AGBL4: variants seen among roughly 807,000 people sequenced by gnomAD.
AGBL4 encodes the protein AGBL carboxypeptidase 4.
Under a neutral mutation model 66.4 loss-of-function variants are expected in AGBL4, and 58 were observed. The observed-to-expected ratio is 0.87, with a 90% CI of 0.71 to 1.09. The LOEUF is 1.09. AGBL4 is among the 50% of genes least tolerant of loss of function. The pLI, the probability that AGBL4 is intolerant of heterozygous loss-of-function variation, is 0.00. For synonymous variants in AGBL4, 234 were observed against 222.9 expected, an observed-to-expected ratio of 1.05 and a Z score of -0.44; for missense variants, 579 against 631.0, an observed-to-expected ratio of 0.92 and a Z score of 0.88.
chr1:48,954,699 T>G (rs1657286250), intron 5 of AGBL4, among the ~76,000 whole-genome samples: 1 of 152,220 alleles, frequency 6.6e-6, no homozygotes, highest in South Asian at 2.1e-4. Context: ...AAACTTGAGC[T>G]GTGCCTCAAT....
chr1:49,452,891 T>A (rs915655114), intron 3 of AGBL4, among the ~76,000 whole-genome samples: 3 of 151,876 alleles, frequency 2.0e-5, no homozygotes, highest in Non-Finnish European at 4.4e-5. Context: ...GTAGGAGACA[T>A]AGGGGAAAGC....
At chr1:49,032,458 T>C (rs1428910134) in intron 5 of AGBL4, among the ~76,000 whole-genome samples, 1 of 152,108 alleles carries the variant, frequency 6.6e-6, no homozygotes, top group Non-Finnish European at 1.5e-5. Flanking sequence ...TTTCATATAA[T>C]CTCTTTTTAT....
At chr1:48,645,901 GA>G (rs1645827184) in intron 8 of AGBL4, among the ~76,000 whole-genome samples, 1 of 152,168 alleles carries the variant, frequency 6.6e-6, no homozygotes, top group East Asian at 1.9e-4. Context: ...GATTACATAT[GA>G]AAGGTTGGAA....
chr1:49,542,894 A>G, intron 3 of AGBL4, among the ~76,000 whole-genome samples: 1 of 102,374 alleles, frequency 9.8e-6, no homozygotes, highest in African/African-American at 3.7e-5. Context: ...GTAAGACTCC[A>G]TCAAAAAAAA....
chr1:48,845,070 C>G (rs1039916043), intron 6 of AGBL4, among the ~76,000 whole-genome samples: 1 of 152,082 alleles, frequency 6.6e-6, no homozygotes, highest in Non-Finnish European at 1.5e-5. Flanking sequence ...TGTATTAGGA[C>G]CAGTCCCAAG....
chr1:49,562,204 A>G (rs1644067105), intron 3 of AGBL4, among the ~76,000 whole-genome samples: 1 of 152,052 alleles, frequency 6.6e-6, no homozygotes, highest in African/African-American at 2.4e-5. Flanking sequence ...GATTCTGGAT[A>G]TTAGCCCTCT....
intron 3 of AGBL4, among the ~76,000 whole-genome samples, chr1:49,427,177 G>A (rs1158483299): frequency 2.0e-5 from 3 of 152,088 alleles, no homozygotes; most frequent in Non-Finnish European, 4.4e-5. Flanking sequence ...CTTGACATAT[G>A]CAATATATTG....
intron 11 of AGBL4, among the ~76,000 whole-genome samples, chr1:48,547,571 G>A (rs1376832434): frequency 6.6e-6 from 1 of 152,148 alleles, no homozygotes; most frequent in Non-Finnish European, 1.5e-5. Flanking sequence ...GAGACATTAA[G>A]TATCCAGGTT....
At chr1:49,480,270 T>C (rs1646929592) in intron 3 of AGBL4, among the ~76,000 whole-genome samples, 1 of 152,084 alleles carries the variant, frequency 6.6e-6, no homozygotes, top group Admixed American at 6.6e-5. Context: ...GAAAGTATTC[T>C]TTTTTCCCCA....
At chr1:49,383,370 A>T (rs1292588689) in intron 3 of AGBL4, among the ~76,000 whole-genome samples, 4 of 152,200 alleles carry the variant, frequency 2.6e-5, no homozygotes, top group Admixed American at 2.6e-4. Flanking sequence ...ACATAGTTAA[A>T]AGCCTGACAC....
At chr1:49,701,999 T>C (rs1647103232) in intron 2 of AGBL4, among the ~76,000 whole-genome samples, 1 of 151,800 alleles carries the variant, frequency 6.6e-6, no homozygotes, top group African/African-American at 2.4e-5. Context: ...CAAGAACATA[T>C]AAAAACATTA....
intron 5 of AGBL4, among the ~76,000 whole-genome samples, chr1:48,950,733 T>C (rs572665224): frequency 2.1e-4 from 32 of 152,228 alleles, no homozygotes; most frequent in Admixed American, 7.2e-4. Context: ...CCTTTTCTGG[T>C]CTCCTGGCCA....
chr1:49,935,003 C>T (rs1054414131), intron 1 of AGBL4, among the ~76,000 whole-genome samples: 1 of 152,206 alleles, frequency 6.6e-6, no homozygotes, highest in Admixed American at 6.5e-5. Context: ...GTGCAGCGCA[C>T]CGTGTGCGAG....
intron 1 of AGBL4, among the ~76,000 whole-genome samples, chr1:49,933,370 G>T (rs1653563215): frequency 6.6e-6 from 1 of 151,952 alleles, no homozygotes; most frequent in Non-Finnish European, 1.5e-5. Flanking sequence ...GAGGAAATAT[G>T]TTACCATTAT....
chr1:48,694,156 T>C (rs1469438677), intron 6 of AGBL4, among the ~76,000 whole-genome samples: 1 of 151,850 alleles, frequency 6.6e-6, no homozygotes, highest in African/African-American at 2.4e-5. Context: ...GTACAGGCAG[T>C]TGTCCTCCTA....
chr1:49,902,250 T>C (rs113403817), intron 1 of AGBL4, among the ~76,000 whole-genome samples: 26 of 152,052 alleles, frequency 1.7e-4, no homozygotes, highest in Non-Finnish European at 2.9e-4. Flanking sequence ...TCAGAGAACC[T>C]AGAGAATGGA....
At chr1:49,140,939 G>C (rs1646105587) in intron 4 of AGBL4, among the ~76,000 whole-genome samples, 1 of 152,118 alleles carries the variant, frequency 6.6e-6, no homozygotes, top group African/African-American at 2.4e-5. Context: ...TTAAATATCT[G>C]TACTCCTTCT....
chr1:49,870,580 C>A (rs1364236088), intron 1 of AGBL4, among the ~76,000 whole-genome samples: 2 of 149,840 alleles, frequency 1.3e-5, no homozygotes, highest in Admixed American at 6.7e-5. Context: ...ACAATGTACC[C>A]TTAAAAATTA....
chr1:49,125,197 CA>C (rs1645741458), intron 4 of AGBL4, among the ~76,000 whole-genome samples: 2 of 151,936 alleles, frequency 1.3e-5, no homozygotes, highest in Non-Finnish European at 1.5e-5. Context: ...CTGGAAAACA[CA>C]AAAAGGCCTA....
Sources: gnomAD v4.1 joint callset for allele counts (sites outside exome capture counted in the v4.1 genomes callset) on GRCh38, gnomAD v4.1.1 for gene constraint, MANE v1.5 for transcripts, NCBI Gene and HGNC (gene_info 2026-07-23, HGNC 2026-07-21) for gene names.